PRAG1: variants seen among roughly 807,000 people sequenced by gnomAD.
PRAG1 encodes inactive tyrosine-protein kinase PRAG1.
A neutral mutation model predicts 95.6 loss-of-function variants in PRAG1; 110 were observed. That is an observed-to-expected ratio of 1.15 (90% confidence interval 0.99 to 1.35). The LOEUF is 1.35. Ranked by LOEUF, PRAG1 falls within the 40% of genes most tolerant of loss-of-function variation. The pLI is 0.00. For missense variants in PRAG1, 2,554 were observed against 1,864.7 expected, an observed-to-expected ratio of 1.37 and a Z score of -6.81; for synonymous variants, 1,052 against 819.4, an observed-to-expected ratio of 1.28 and a Z score of -4.85.
intron 3 of PRAG1, among the ~76,000 whole-genome samples, chr8:8,344,450 T>A (rs1007693229): frequency 1.3e-5 from 2 of 152,180 alleles, no homozygotes; most frequent in African/African-American, 4.8e-5. Context: ...ACGGAGCACA[T>A]AATAAAATGT....
chr8:8,339,459 T>G lies in PRAG1; in HGVS notation c.2320+19A>C. 6.2e-7 allele frequency: 1 copy of G among 1,612,510 alleles called. No homozygotes were observed. Among genetic ancestry groups the G allele is most frequent in the African/African-American group, 1.3e-5 (1 of 74,994 alleles). Reference sequence around the variant, plus strand: ...GTCCAGGAGAATCTAAGCCTCTCCGTCAATGTCAAGTTTGTTACCTCCATC... The same window carrying G: ...GTCCAGGAGAATCTAAGCCTCTCCGGCAATGTCAAGTTTGTTACCTCCATC... On this transcript the variant is annotated intron_variant, in intron 4 of 5. Coordinates refer to ENST00000615670, the MANE Select transcript of PRAG1 (RefSeq NM_001080826.3).
chr8:8,356,725 T>C (rs950913926), intron 3 of PRAG1, among the ~76,000 whole-genome samples: 3 of 152,128 alleles, frequency 2.0e-5, no homozygotes, highest in African/African-American at 7.2e-5. Flanking sequence ...CATATCCTAA[T>C]AGCCAAAACA....
chr8:8,359,551 T>C (rs1246440762), intron 3 of PRAG1, among the ~76,000 whole-genome samples: 1 of 152,208 alleles, frequency 6.6e-6, no homozygotes, highest in Admixed American at 6.5e-5. Context: ...ACCCGTCTGA[T>C]TACTTGACTG....
chr8:8,368,600 A>G (rs1360272650), intron 3 of PRAG1, among the ~76,000 whole-genome samples: 1 of 152,200 alleles, frequency 6.6e-6, no homozygotes, highest in Non-Finnish European at 1.5e-5. Context: ...ACAACAAAAA[A>G]TTCCTTGGGC....
At chr8:8,343,147 G>C (rs911836765) in intron 3 of PRAG1, among the ~76,000 whole-genome samples, 1 of 152,250 alleles carries the variant, frequency 6.6e-6, no homozygotes, top group East Asian at 1.9e-4. Context: ...CACATGAAAA[G>C]ATTATTAAAA....
At chr8:8,352,941 C>T (rs1799571799) in intron 3 of PRAG1, among the ~76,000 whole-genome samples, 1 of 152,034 alleles carries the variant, frequency 6.6e-6, no homozygotes, top group South Asian at 2.1e-4. Flanking sequence ...ATAAAATAGA[C>T]TCCAAGTCAA....
chr8:8,379,067 TTTCTGAACTGGATCAGGGTGAGGGGTGGC>T (rs1356917435), intron 2 of PRAG1, among the ~76,000 whole-genome samples: 5 of 151,530 alleles, frequency 3.3e-5, no homozygotes, highest in South Asian at 4.2e-4. Context: ...TGAGGGGTGG[TTTCTGAACTGGATCAGGGTGAGGGGTGGC>T]TTCTGAACTG....
At chr8:8,320,730 G>A (rs1322650959) in intron 5 of PRAG1, among the ~76,000 whole-genome samples, 1 of 152,224 alleles carries the variant, frequency 6.6e-6, no homozygotes, top group Non-Finnish European at 1.5e-5. Flanking sequence ...CCTTCAGGCT[G>A]CAGTGTTGGA....
At position 8,318,243 on chromosome 8, in the gene PRAG1, C is replaced by A. The variant is rs1360131945; in HGVS notation, c.4132G>T (p.Glu1378Ter). The A allele has an allele frequency of 6.2e-7, 1 of 1,614,062 alleles. No individual in the cohort carries two copies. The highest frequency in any genetic ancestry group is 1.3e-5 in the African/African-American group (1 of 74,942). Residue 1378 changes from glutamate to a stop codon, truncating the protein, a stop_gained, in exon 6 of 6, where the codon GAG becomes TAG. Coordinates refer to ENST00000615670, the MANE Select transcript of PRAG1 (RefSeq NM_001080826.3). LOFTEE classifies it high-confidence loss of function. This position sits in a 1 kb window ranked among gnomAD's most constrained non-coding sequence, Gnocchi z 4.2. ...TGGCAGCAAAGCCAGTCCTCCAGCT[C>A]CACGCCCCGCCTGCGATCCACCGCC... ...EKAVDRRRGV[E>*]LEDWLCCQYL...
intron 3 of PRAG1, among the ~76,000 whole-genome samples, chr8:8,362,592 T>C (rs1799877562): frequency 6.6e-6 from 1 of 152,142 alleles, no homozygotes; most frequent in Non-Finnish European, 1.5e-5. Flanking sequence ...GGAGAATGGG[T>C]GATCCTGGAT....
chr8:8,355,435 C>CA (rs369713600), intron 3 of PRAG1, among the ~76,000 whole-genome samples: 59 of 151,108 alleles, frequency 3.9e-4, no homozygotes, highest in South Asian at 1.3e-3. Context: ...TATGGAATGA[C>CA]AAAAAAAACC....
chr8:8,370,370 C>T (rs2116915916), intron 3 of PRAG1, among the ~76,000 whole-genome samples: 1 of 152,358 alleles, frequency 6.6e-6, no homozygotes, highest in South Asian at 2.1e-4. Context: ...GTGGGGGCCA[C>T]TGAAATACGG....
Position 8,336,112 on chromosome 8 carries a change from T to C in PRAG1, c.2320+3366A>G, listed in dbSNP as rs543319100. ...TGCAAGTGAGAATATCTATATGAAC[T>C]GTATTTTCAGACTTCTTATCTATTG... On this transcript the variant is annotated intron_variant, in intron 4 of 5. Coordinates refer to ENST00000615670, the MANE Select transcript of PRAG1 (RefSeq NM_001080826.3). Among the ~76,000 whole-genome samples, 51 of 152,298 alleles carry C rather than the reference T, an allele frequency of 3.3e-4. 1 individual carries two copies. The Middle Eastern group carries it at 0.024, about 71-fold the overall frequency.
At chr8:8,371,111 G>C (rs2116917977) in intron 3 of PRAG1, among the ~76,000 whole-genome samples, 1 of 138,706 alleles carries the variant, frequency 7.2e-6, no homozygotes, top group Non-Finnish European at 1.5e-5. Context: ...ACTCCAGCCT[G>C]AGCGACAGAG....
chr8:8,382,525 G>A (rs1800715376), intron 1 of PRAG1, among the ~76,000 whole-genome samples: 1 of 152,182 alleles, frequency 6.6e-6, no homozygotes, highest in Non-Finnish European at 1.5e-5. Context: ...GGGTGTTATA[G>A]GCCAAAGGGG....
chr8:8,357,541 G>C (rs1418069623), intron 3 of PRAG1, among the ~76,000 whole-genome samples: 47 of 152,262 alleles, frequency 3.1e-4, no homozygotes. Context: ...AACAAAACAA[G>C]TTTTGAAGAC....
intron 3 of PRAG1, among the ~76,000 whole-genome samples, chr8:8,369,173 T>C (rs1403994503): frequency 6.6e-6 from 1 of 151,920 alleles, no homozygotes; most frequent in African/African-American, 2.4e-5. Flanking sequence ...ATTACATTTG[T>C]AGTTCACTCT....
chr8:8,347,587 C>G (rs547807220), intron 3 of PRAG1, among the ~76,000 whole-genome samples: 1 of 136,660 alleles, frequency 7.3e-6, no homozygotes, highest in East Asian at 1.9e-4. Flanking sequence ...TAAGAACACT[C>G]TGTTTTTAAC....
chr8:8,382,477 A>G (rs925230122), intron 1 of PRAG1, among the ~76,000 whole-genome samples: 12 of 152,260 alleles, frequency 7.9e-5, no homozygotes, highest in African/African-American at 2.6e-4. Flanking sequence ...TGCTTAATAT[A>G]CATTACTTGA....
Sources: allele counts gnomAD v4.1 joint callset (sites outside exome capture counted in the v4.1 genomes callset), GRCh38; gene constraint gnomAD v4.1.1; non-coding constraint Gnocchi (gnomAD v3.1); transcripts MANE v1.5; gene names NCBI Gene and HGNC (gene_info 2026-07-23, HGNC 2026-07-21).